Variants in HNF1A observed in about 807,000 individuals in gnomAD.
HNF1A encodes hepatocyte nuclear factor 1-alpha.
Under a neutral mutation model 62.2 loss-of-function variants are expected in HNF1A, and 21 were observed. The ratio of observed to expected loss-of-function variants is 0.34; its 90% CI spans 0.24 to 0.49. The LOEUF (loss-of-function observed/expected upper bound fraction) is 0.49, where lower values mean the gene tolerates loss of function less well. Among genes scored for constraint, HNF1A ranks in the 20% least tolerant of loss-of-function variants. The probability of loss-of-function intolerance (pLI) is 0.99; values close to 1 mark genes in which losing one functional copy is unlikely to be tolerated. For missense variants in HNF1A, 687 were observed against 832.3 expected (o/e 0.83, Z 2.15); for synonymous variants, 374 against 366.8 (o/e 1.02, Z -0.22).
At chr12:120,984,985 G>T (rs1247283340) in intron 1 of HNF1A, among the ~76,000 whole-genome samples, 1 of 142,002 alleles carries the variant, frequency 7.0e-6, no homozygotes, top group Non-Finnish European at 1.5e-5. Context: ...TCACTCTGTC[G>T]CCAAGGCTGG....
intron 9 of HNF1A, among the ~76,000 whole-genome samples, chr12:121,000,099 C>G (rs1266694274): frequency 1.3e-5 from 2 of 152,232 alleles, no homozygotes; most frequent in African/African-American, 4.8e-5. Flanking sequence ...CCAGGCCTCA[C>G]TGCATCCACT....
intron 1 of HNF1A, among the ~76,000 whole-genome samples, chr12:120,983,107 AC>A (rs747394582): frequency 6.6e-6 from 1 of 152,080 alleles, no homozygotes; most frequent in Non-Finnish European, 1.5e-5. Flanking sequence ...ATGCCCTGAA[AC>A]CCCAGGGGCC....
chr12:120,989,633 A>G (rs750564378), intron 2 of HNF1A, among the ~76,000 whole-genome samples: 1 of 152,210 alleles, frequency 6.6e-6, no homozygotes, highest in African/African-American at 2.4e-5. Flanking sequence ...CCAGCGAGTC[A>G]TGTATTAGAA....
At chr12:120,994,523 T>C (rs1876993492) in intron 4 of HNF1A, 118 bp downstream of exon 4, 9 of 1,138,494 alleles carry the variant, frequency 7.9e-6, no homozygotes, top group Admixed American at 2.4e-5. Context: ...ATTCCATTCA[T>C]GCCACTCCTT....
At position 120,996,296 on chromosome 12, in the gene HNF1A, T is replaced by C. The variant is rs1483203824; in HGVS notation, c.990T>C (p.Thr330=). 2 of 1,614,004 alleles carry C rather than the reference T, an allele frequency of 1.2e-6. No homozygotes were observed. Among genetic ancestry groups the C allele is most frequent in the African/African-American group, 2.7e-5 (2 of 74,916 alleles). The change falls in exon 5 of 10, where the codon ACT becomes ACC. Residue 330 remains threonine (T), a synonymous_variant. Transcript: ENST00000257555. This position sits in a 1 kb window ranked among gnomAD's most constrained non-coding sequence, Gnocchi z 4.5. ...VRYGQPATSE[T]AEVPSSSGGP... is the part of the protein sequence containing the mutation. ...ATGGACAGCCTGCGACCAGTGAGAC[T>C]GCAGAAGTACCCTCAAGCAGCGGCG... is the stretch of plus-strand genomic sequence containing the variant.
chr12:120,984,048 A>C (rs1381877855), intron 1 of HNF1A, among the ~76,000 whole-genome samples: 1 of 151,852 alleles, frequency 6.6e-6, no homozygotes, highest in African/African-American at 2.4e-5. Flanking sequence ...TTCTAGAAAA[A>C]AGTGGCACAG....
At chr12:120,983,950 T>TGTGTGTGTGTG (rs1382795865) in intron 1 of HNF1A, among the ~76,000 whole-genome samples, 141 of 55,046 alleles carry the variant, frequency 2.6e-3, no homozygotes, top group East Asian at 0.025. Flanking sequence ...GTGTGTGTGT[T>TGTGTGTGTGTG]TGTGTAAGAG....
chr12:121,002,077 C>G lies in HNF1A; in HGVS notation c.*885C>G. ...GTCTCGAGCGCCCTGCAGACCCTGC[C>G]CTTGTTTGGGGCAGGAGTAGCTGAG... On this transcript the variant is annotated 3_prime_UTR_variant, in exon 10 of 10. Transcript: ENST00000257555. The G allele has an allele frequency of 1.9e-6, 1 of 536,362 alleles. No homozygotes were observed. The highest frequency in any genetic ancestry group is 1.5e-5 in the South Asian group (1 of 65,186). 33.2% of individuals were successfully genotyped at this position (536,362 alleles called of 1,614,324 possible).
intron 1 of HNF1A, among the ~76,000 whole-genome samples, chr12:120,988,559 G>A (rs975989076): frequency 2.0e-5 from 3 of 152,190 alleles, no homozygotes; most frequent in Non-Finnish European, 4.4e-5. Context: ...ATCTGTTCCA[G>A]TGTCTGTATC....
rs1421619915 is a variant in HNF1A, at chr12:120,999,360, G to A, written c.1594G>A (p.Ala532Thr). 12 of 1,613,816 alleles carry A rather than the reference G, an allele frequency of 7.4e-6. 1 individual carries two copies. The South Asian group carries it at 1.1e-4, about 15-fold the overall frequency. Residue 532 changes from alanine to threonine, a missense_variant, in exon 8 of 10, where the codon GCC becomes ACC. Ala to Thr is a moderately conservative substitution (Grantham distance 58). Around this residue, in one of 5 missense-constraint regions of HNF1A, gnomAD observed 408 missense variants for 455.3 expected, o/e 0.90. Transcript: ENST00000257555. Reference sequence around the variant, plus strand: ...CATCACCGACACCACCAACCTGAGCGCCCTGGCCAGCCTCACGCCCACCAA... The same window carrying A: ...CATCACCGACACCACCAACCTGAGCACCCTGGCCAGCCTCACGCCCACCAA... ...MLITDTTNLSALASLTPTKQV... is the reference protein window; with the variant it reads ...MLITDTTNLSTLASLTPTKQV...
rs76048388 is a variant in HNF1A at position 120,996,013 on chromosome 12, C to T, written c.956-249C>T. ...GTTGTCTTCTACTGAGCACCTACTG[C>T]ATGTCAGGTATAGCACTAGGCAGTG... On this transcript the variant is annotated intron_variant, in intron 4 of 9. Coordinates refer to ENST00000257555, the MANE Select transcript of HNF1A (RefSeq NM_000545.8). This position sits in a 1 kb window ranked among gnomAD's most constrained non-coding sequence, Gnocchi z 4.5. Among the ~76,000 whole-genome samples the T allele has an allele frequency of 4.7e-3, 714 of 152,360 alleles. 25 individuals are homozygous for T. In the East Asian group the frequency reaches 0.087, roughly 19 times the overall value.
At chr12:120,999,165 G>A (rs1877282026) in intron 7 of HNF1A, 103 bp from the exon 8 acceptor site, 1 of 1,384,352 alleles carries the variant, frequency 7.2e-7, no homozygotes. Context: ...GCCCAGTCTG[G>A]CTGTTCAGCA....
intron 1 of HNF1A, among the ~76,000 whole-genome samples, chr12:120,986,569 G>T: frequency 6.6e-6 from 1 of 152,096 alleles, no homozygotes; most frequent in Admixed American, 6.6e-5. Context: ...GTATTTATCT[G>T]TAACTTTTTG....
rs1450573066 is a variant in HNF1A, at chr12:120,996,993, G to T, written c.1309+251G>T. ...CATCAATTCTGTGGTACCTCAGAAG[G>T]TGAAGGGTCTATGGGCAAATTACAG... On this transcript the variant is annotated intron_variant, in intron 6 of 9. Transcript: ENST00000257555. This position sits in a 1 kb window ranked among gnomAD's most constrained non-coding sequence, Gnocchi z 4.5. The T allele has an allele frequency of 6.6e-6, 10 of 1,513,604 alleles. No homozygotes were observed. The African/African-American group carries it at 1.2e-4, about 19-fold the overall frequency. 93.8% of individuals were successfully genotyped at this position (1,513,604 alleles called of 1,614,324 possible). A position where few individuals can be genotyped will look rare whatever the true frequency, so the allele number is the denominator to read the frequency against.
chr12:120,997,229 T>A, intron 6 of HNF1A: 3 of 1,425,748 alleles, frequency 2.1e-6, no homozygotes, highest in Non-Finnish European at 2.7e-6. Flanking sequence ...TGACAACTTT[T>A]GAACAAGTCA....
chr12:120,999,905 C>T (rs903269433), intron 9 of HNF1A, among the ~76,000 whole-genome samples: 13 of 152,150 alleles, frequency 8.5e-5, no homozygotes, highest in African/African-American at 3.1e-4. Flanking sequence ...TGGAGAGTAA[C>T]GATAAGGACC....
Position 120,979,056 on chromosome 12 carries a change from G to C in HNF1A, c.288G>C (p.Glu96Asp). 6.2e-7 allele frequency: 1 copy of C among 1,612,220 alleles called. No individual in the cohort carries two copies. The highest frequency in any genetic ancestry group is 8.5e-7 in the Non-Finnish European group (1 of 1,179,296). Residue 96 changes from glutamate (E) to aspartate (D), a missense_variant, in exon 1 of 10, where the codon GAG (glutamate) becomes GAC (aspartate). By Grantham distance (45) the Glu-to-Asp change is conservative. This residue lies in a region of HNF1A where 159 missense variants were observed against 154.4 expected (regional missense o/e 1.03). Coordinates refer to ENST00000257555, the MANE Select transcript of HNF1A (RefSeq NM_000545.8). The stretch of plus-strand genomic sequence containing the variant: ...AGCTGGAGAACCTCAGCCCTGAGGA[G>C]GCGGCCCACCAGAAAGCCGTGGTGG... ...LKELENLSPEEAAHQKAVVET... is the reference protein window; with the variant it reads ...LKELENLSPEDAAHQKAVVET...
intron 9 of HNF1A, 44 bp downstream of exon 9, chr12:120,999,671 C>G: frequency 1.9e-6 from 3 of 1,586,486 alleles, no homozygotes; most frequent in East Asian, 2.2e-5. Flanking sequence ...GTCCCTGCCC[C>G]CTTCCATGTT....
In HNF1A at chr12:120,999,604, A is replaced by G. The variant is rs193922589; in HGVS notation, c.1745A>G (p.His582Arg). The G allele has an allele frequency of 3.1e-5, 50 of 1,610,554 alleles. No homozygotes were observed. Among genetic ancestry groups the G allele is most frequent in the Admixed American group, 6.7e-5 (4 of 59,966 alleles). Reference protein sequence around the residue: ...PASIQHLQPAHRLSASPTVSS... With the variant: ...PASIQHLQPARRLSASPTVSS... Reference sequence around the variant, plus strand: ...AGCATCCAGCACCTGCAGCCGGCCCACCGGCTCAGCGCCAGCCCCACAGGT... The same window carrying G: ...AGCATCCAGCACCTGCAGCCGGCCCGCCGGCTCAGCGCCAGCCCCACAGGT... Residue 582 changes from histidine (H) to arginine (R), a missense_variant, in exon 9 of 10, where the codon CAC becomes CGC. His to Arg is a conservative substitution (Grantham distance 29, BLOSUM62 0). Transcript: ENST00000257555.
Sources: allele counts gnomAD v4.1 joint callset (sites outside exome capture counted in the v4.1 genomes callset), GRCh38; gene constraint gnomAD v4.1.1; regional missense constraint gnomAD v4.1.1; non-coding constraint Gnocchi (gnomAD v3.1); transcripts MANE v1.5; gene names NCBI Gene and HGNC (gene_info 2026-07-23, HGNC 2026-07-21).